Variants in ADAMTS13 observed in about 807,000 individuals in gnomAD.
ADAMTS13 encodes A disintegrin and metalloproteinase with thrombospondin motifs 13.
Under a neutral mutation model 155.1 loss-of-function variants are expected in ADAMTS13, and 110 were observed. The ratio of observed to expected loss-of-function variants is 0.71; its 90% CI spans 0.61 to 0.83. The LOEUF is 0.83. ADAMTS13 is among the 40% of genes least tolerant of loss of function. The pLI, the probability that ADAMTS13 is intolerant of heterozygous loss-of-function variation, is 0.00. For missense variants in ADAMTS13, 1,707 were observed against 1,891.7 expected, an observed-to-expected ratio of 0.90 and a Z score of 1.81; for synonymous variants, 758 against 756.4, an observed-to-expected ratio of 1.00 and a Z score of -0.03.
chr9:133,429,202 C>T (rs1436625584), intron 7 of ADAMTS13, among the ~76,000 whole-genome samples: 3 of 109,028 alleles, frequency 2.8e-5, no homozygotes, highest in Middle Eastern at 0.011. Flanking sequence ...GCCCCACCCC[C>T]TGCACCTCCC....
chr9:133,445,595 C>T lies in ADAMTS13; in HGVS notation c.2611-104C>T, dbSNP rs924434450. The stretch of plus-strand genomic sequence containing the variant: ...GGGGAGGGAGCCCCTGGTGCACACA[C>T]GCCACTTCCTGGTCTCTCTGCTGCT... On this transcript the variant is annotated intron_variant, in intron 20 of 28. Transcript: ENST00000355699. This position sits in a 1 kb window ranked among gnomAD's most constrained non-coding sequence, Gnocchi z 5.0. The T allele has an allele frequency of 1.1e-5, 18 of 1,578,950 alleles. No individual in the cohort carries two copies. Among genetic ancestry groups the T allele is most frequent in the East Asian group, 2.3e-5 (1 of 44,062 alleles).
intron 21 of ADAMTS13, among the ~76,000 whole-genome samples, chr9:133,447,145 ACAC>A (rs1842120837): frequency 6.6e-6 from 1 of 151,776 alleles, no homozygotes; most frequent in Non-Finnish European, 1.5e-5. Flanking sequence ...GTGAGCCCCC[ACAC>A]CTGGCCTATT....
At position 133,445,496 on chromosome 9, in the gene ADAMTS13, G is replaced by A. The variant is rs1841997614; in HGVS notation, c.2611-203G>A. 6.6e-6 allele frequency among the ~76,000 whole-genome samples: 1 copy of A among 152,208 alleles called. No individual in the cohort carries two copies. On this transcript the variant is annotated intron_variant, in intron 20 of 28. Coordinates refer to ENST00000355699, the MANE Select transcript of ADAMTS13 (RefSeq NM_139027.6). This position sits in a 1 kb window ranked among gnomAD's most constrained non-coding sequence, Gnocchi z 5.0. ...CCACAGTGAGCACTCATGCTGCTGA[G>A]GAGCCTGCAAAGGTGGGGTGTGCAG...
Position 133,425,751 on chromosome 9 carries a change from G to T in ADAMTS13, c.414+139G>T, listed in dbSNP as rs373271656. The T allele has an allele frequency of 7.2e-6, 10 of 1,386,564 alleles. No individual in the cohort carries two copies. Among genetic ancestry groups the T allele is most frequent in the African/African-American group, 2.9e-5 (2 of 69,884 alleles). The allele number at this position is 1,386,564 out of a possible 1,614,324, so 85.9% of individuals were successfully genotyped here. On this transcript the variant is annotated intron_variant, in intron 4 of 28. Transcript: ENST00000355699. This position sits in a 1 kb window ranked among gnomAD's most constrained non-coding sequence, Gnocchi z 4.6. ...ATGCATTCAGCCAGACAGACCAGCT[G>T]CCCTCCCAGCTCTACCCAGCACTCA...
chr9:133,433,272 T>G, intron 9 of ADAMTS13, 106 bp from the exon 10 acceptor site: 1 of 1,476,436 alleles, frequency 6.8e-7, no homozygotes, highest in Non-Finnish European at 9.4e-7. Context: ...GGGGTCCCTG[T>G]GTGTGTTGGG....
rs782033398 is a variant in ADAMTS13, at chr9:133,456,186, T to A, written c.3518T>A (p.Val1173Asp). Residue 1173 changes from valine to aspartate, a missense_variant, in exon 26 of 29, where the codon GTC becomes GAC. Transcript: ENST00000355699. The surrounding 1 kb of genome is among the most constrained non-coding windows in gnomAD (Gnocchi z 4.4). ...RPLGEVVTLR[V>D]LESSLNCSAG... ...CTCGGGGAGGTGGTGACCCTCCGCGTCCTTGAGAGTTCTCTCAACTGCAGT... is the reference window on the plus strand; with the variant it reads ...CTCGGGGAGGTGGTGACCCTCCGCGACCTTGAGAGTTCTCTCAACTGCAGT... 1.9e-6 allele frequency: 3 copies of A among 1,613,562 alleles called. No individual in the cohort carries two copies. In the Admixed American group the frequency reaches 5.0e-5, roughly 27 times the overall value.
At chr9:133,422,222 A>G, upstream of ADAMTS13, 1 of 606,770 alleles carries the variant, frequency 1.6e-6, no homozygotes, top group Non-Finnish European at 3.0e-6. Flanking sequence ...GTTACCCTGA[A>G]CTGCAACCAT....
In ADAMTS13 at chr9:133,438,237, T is replaced by C; in HGVS notation, c.1585-9T>C. ...GTGACACGGGCCCTCTGTCCTTCCC[T>C]TTGCATAGACATTTGGCTGTGATGG... is the stretch of plus-strand genomic sequence containing the variant. On this transcript the variant is annotated splice_polypyrimidine_tract_variant and intron_variant, in intron 13 of 28. Transcript: ENST00000355699. 2 of 1,614,116 alleles carry C rather than the reference T, an allele frequency of 1.2e-6. No homozygotes were observed. Among genetic ancestry groups the C allele is most frequent in the Non-Finnish European group, 1.7e-6 (2 of 1,180,010 alleles).
chr9:133,454,346 G>A (rs1842614598), intron 23 of ADAMTS13, 69 bp from the exon 24 acceptor site: 2 of 1,568,490 alleles, frequency 1.3e-6, no homozygotes, highest in Non-Finnish European at 8.8e-7. Context: ...TGGGTGGAGA[G>A]GGGCCTGCGT....
intron 1 of ADAMTS13, among the ~76,000 whole-genome samples, chr9:133,416,590 G>C (rs967370704): frequency 2.0e-5 from 3 of 152,134 alleles, no homozygotes; most frequent in Non-Finnish European, 4.4e-5. Flanking sequence ...AGCTCCAAGG[G>C]ATGTGGTAAG....
Position 133,429,971 on chromosome 9 carries a change from C to G in ADAMTS13, c.857C>G (p.Pro286Arg), listed in dbSNP as rs782184693. 8 of 1,543,302 alleles carry G rather than the reference C, an allele frequency of 5.2e-6. No individual in the cohort carries two copies. The South Asian group carries it at 8.2e-5, about 16-fold the overall frequency. ...CGGGCGCGCTGCGTGTGGGACCCGC[C>G]GCGGCCTCAACCCGGGTCCGCGGGG... ...AGRARCVWDP[P>R]RPQPGSAGHP... The change falls in exon 8 of 29, where the codon CCG becomes CGG. Residue 286 changes from proline (P) to arginine (R), a missense_variant. Physicochemically the swap from Pro to Arg is moderately radical, Grantham distance 103. This residue lies in a region of ADAMTS13 where 733 missense variants were observed against 749.6 expected (regional missense o/e 0.98). Transcript: ENST00000355699.
intron 27 of ADAMTS13, 65 bp from the exon 28 acceptor site, chr9:133,457,845 A>C: frequency 6.2e-7 from 1 of 1,600,630 alleles, no homozygotes; most frequent in Non-Finnish European, 8.6e-7. Context: ...CCTGGCTGTG[A>C]GTTGTCCTGG....
upstream of ADAMTS13, among the ~76,000 whole-genome samples, chr9:133,420,214 AT>A (rs1206625808): frequency 6.6e-6 from 1 of 151,370 alleles, no homozygotes; most frequent in East Asian, 1.9e-4. Context: ...TAATTTTTGT[AT>A]TTTTGAAAAG....
At chr9:133,438,113 G>A in intron 13 of ADAMTS13, 133 bp from the exon 14 acceptor site, 1 of 1,527,088 alleles carries the variant, frequency 6.5e-7, no homozygotes, top group Non-Finnish European at 9.0e-7. Flanking sequence ...CTTGCTTCCT[G>A]TGTAGATGGT....
chr9:133,442,575 C>T (rs1841753791), intron 17 of ADAMTS13, 39 bp from the exon 18 acceptor site: 2 of 1,613,266 alleles, frequency 1.2e-6, no homozygotes, highest in East Asian at 2.2e-5. Flanking sequence ...CGGCTTGCCC[C>T]TGCAGGGAGG....
intron 7 of ADAMTS13, among the ~76,000 whole-genome samples, chr9:133,429,471 C>G (rs959281759): frequency 1.5e-5 from 2 of 131,552 alleles, no homozygotes; most frequent in Admixed American, 1.5e-4. Context: ...CCATCTCAGC[C>G]CCCTGCACCC....
At position 133,440,522 on chromosome 9, in the gene ADAMTS13, C is replaced by T. The variant is rs1554790436; in HGVS notation, c.1965C>T (p.Ile655=). 3 of 1,601,996 alleles carry T rather than the reference C, an allele frequency of 1.9e-6. No homozygotes were observed. In the South Asian group the frequency reaches 3.3e-5, roughly 18 times the overall value. ...GACCCCTCCAGGAAGATGCTGACAT[C>T]CAGGTCAGCAGGAGAGCCTGGGGGA... ...IWGPLQEDAD[I]QVYRRYGEEY... Residue 655 remains isoleucine, a synonymous_variant, in exon 16 of 29, where the codon ATC becomes ATT. Coordinates refer to ENST00000355699, the MANE Select transcript of ADAMTS13 (RefSeq NM_139027.6). The surrounding 1 kb of genome is among the most constrained non-coding windows in gnomAD (Gnocchi z 4.3).
Position 133,425,495 on chromosome 9 carries a change from C to G in ADAMTS13, c.331-34C>G. ...CTGCCTGGGGCTGGCAATGCCCACC[C>G]GACGGGTTACCTCTCTCATCTGCCC... On this transcript the variant is annotated intron_variant, in intron 3 of 28. Transcript: ENST00000355699. The surrounding 1 kb of genome is among the most constrained non-coding windows in gnomAD (Gnocchi z 4.6). The G allele has an allele frequency of 6.3e-7, 1 of 1,594,056 alleles. No homozygotes were observed. Among genetic ancestry groups the G allele is most frequent in the Non-Finnish European group, 8.5e-7 (1 of 1,169,778 alleles).
chr9:133,429,567 C>G (rs989075495), intron 7 of ADAMTS13: 3 of 339,800 alleles, frequency 8.8e-6, no homozygotes, highest in African/African-American at 5.0e-5. Flanking sequence ...CGCCCCTACC[C>G]CTCCGTCCAC....
Sources: gnomAD v4.1 joint callset for allele counts (sites outside exome capture counted in the v4.1 genomes callset) on GRCh38, gnomAD v4.1.1 for gene constraint, gnomAD v4.1.1 regional missense constraint, Gnocchi (gnomAD v3.1) non-coding constraint, MANE v1.5 for transcripts, NCBI Gene and HGNC (gene_info 2026-07-23, HGNC 2026-07-21) for gene names.